The following CENPE variants were observed in gnomAD, a reference collection of about 807,000 sequenced individuals.
CENPE encodes the protein centromere protein E.
A neutral mutation model predicts 336.1 loss-of-function variants in CENPE; 145 were observed. The ratio of observed to expected loss-of-function variants is 0.43; its 90% confidence interval spans 0.38 to 0.50. The LOEUF is 0.50. Ranked by LOEUF, CENPE falls within the 20% of genes least tolerant of loss-of-function variation. CENPE has a pLI of 0.00. For synonymous variants in CENPE, 1,013 were observed against 984.8 expected, an observed-to-expected ratio of 1.03 and a Z score of -0.54; for missense variants, 2,719 against 3,023.3, an observed-to-expected ratio of 0.90 and a Z score of 2.36.
chr4:103,141,229 C>T lies in CENPE; in HGVS notation c.5464-125G>A, dbSNP rs1426696963. On this transcript the variant is annotated intron_variant, in intron 35 of 48. Transcript: ENST00000265148. ...CACTGATATCCTGCACAATTCCACA[C>T]AGAATTTTACTTTCTTTTGAGGTAT... 1.2e-5 allele frequency: 7 copies of T among 602,356 alleles called. No homozygotes were observed. The South Asian group carries it at 1.7e-4, about 14-fold the overall frequency. The allele number at this position is 602,356 out of a possible 1,614,324, so 37.3% of individuals were successfully genotyped here.
chr4:103,111,094 A>C, intron 46 of CENPE, 83 bp from the exon 47 acceptor site: 2 of 1,062,182 alleles, frequency 1.9e-6, no homozygotes, highest in Non-Finnish European at 2.7e-6. Context: ...CAAGTACAAT[A>C]AGCCATTATA....
In CENPE at chr4:103,136,361, TAA is replaced by T; in HGVS notation, c.6304-4_6304-3del. 1 of 1,592,382 alleles carries T rather than the reference TAA, an allele frequency of 6.3e-7. No homozygotes were observed. On this transcript the variant is annotated splice_polypyrimidine_tract_variant and splice_region_variant and intron_variant, in intron 39 of 48. Coordinates refer to ENST00000265148, the MANE Select transcript of CENPE (RefSeq NM_001813.3). ...CTCTGAGTATCTCTTCAAAAGCTCCTAAAGGAAATGAGAATTCACTCAATTTA... is the reference window on the plus strand; with the variant it reads ...CTCTGAGTATCTCTTCAAAAGCTCCTAGGAAATGAGAATTCACTCAATTTA...
At chr4:103,146,145 A>G in intron 29 of CENPE, 38 bp from the exon 30 acceptor site, 1 of 1,571,362 alleles carries the variant, frequency 6.4e-7, no homozygotes, top group Non-Finnish European at 8.6e-7. Context: ...TGATATCCAG[A>G]GATATTGTGT....
At position 103,181,341 on chromosome 4, in the gene CENPE, T is replaced by C; in HGVS notation, c.1079A>G (p.Glu360Gly). The change falls in exon 12 of 49, where the codon GAG (glutamate) becomes GGG (glycine). Residue 360 changes from glutamate (E) to glycine (G), a missense_variant. Glu to Gly is a moderately conservative substitution (Grantham distance 98). Coordinates refer to ENST00000265148, the MANE Select transcript of CENPE (RefSeq NM_001813.3). ...AAATAAATGATTCATACATACCTCC[T>C]CTAATTGTTTTTTAAGATCCATTAT... ...KEIMDLKKQL[E>G]EVSLETRAQA... 2 of 1,529,438 alleles carry C rather than the reference T, an allele frequency of 1.3e-6. No homozygotes were observed. The highest frequency in any genetic ancestry group is 1.8e-6 in the Non-Finnish European group (2 of 1,128,026). The allele number at this position is 1,529,438 out of a possible 1,614,324, so 94.7% of individuals were successfully genotyped here. A position where few individuals can be genotyped will look rare whatever the true frequency, so the allele number is the denominator to read the frequency against.
chr4:103,138,035 G>A lies in CENPE; in HGVS notation c.6303+316C>T, dbSNP rs1293798833. ...AACCACCACAGAGTCTTCTGCCTCA[G>A]GAACTTTGTACTCGCTGTTCCCTTT... On this transcript the variant is annotated intron_variant, in intron 39 of 48. Transcript: ENST00000265148. 3.9e-5 allele frequency among the ~76,000 whole-genome samples: 6 copies of A among 152,092 alleles called. No homozygotes were observed. In the East Asian group the frequency reaches 1.2e-3, roughly 29 times the overall value.
intron 42 of CENPE, among the ~76,000 whole-genome samples, chr4:103,126,588 A>C (rs1169902983): frequency 6.6e-6 from 1 of 152,260 alleles, no homozygotes; most frequent in Non-Finnish European, 1.5e-5. Context: ...CTGAATAAGC[A>C]TCAGAACCAC....
intron 40 of CENPE, among the ~76,000 whole-genome samples, chr4:103,135,393 T>C (rs1185034194): frequency 6.6e-6 from 1 of 152,192 alleles, no homozygotes; most frequent in African/African-American, 2.4e-5. Context: ...CTCTTTCTTT[T>C]TTATTTTTGA....
intron 24 of CENPE, among the ~76,000 whole-genome samples, chr4:103,155,753 C>T (rs1483836817): frequency 6.6e-6 from 1 of 152,050 alleles, no homozygotes; most frequent in Non-Finnish European, 1.5e-5. Context: ...TTCCATTTTC[C>T]AAGGCAGTAT....
chr4:103,198,161 G>A (rs993675222), intron 1 of CENPE, 103 bp downstream of exon 1: 1 of 1,133,030 alleles, frequency 8.8e-7, no homozygotes, highest in African/African-American at 1.5e-5. Flanking sequence ...AGACAGCAGA[G>A]CCGGGAAGCA....
At chr4:103,125,410 C>G (rs926742045) in intron 42 of CENPE, among the ~76,000 whole-genome samples, 1 of 152,122 alleles carries the variant, frequency 6.6e-6, no homozygotes, top group Non-Finnish European at 1.5e-5. Flanking sequence ...TTTGTACCCA[C>G]CAAATACCAA....
chr4:103,111,625 T>C (rs1026290876), intron 46 of CENPE, among the ~76,000 whole-genome samples: 31 of 152,184 alleles, frequency 2.0e-4, no homozygotes, highest in African/African-American at 6.8e-4. Context: ...AGTGTGTGTG[T>C]TGGGGGTGAT....
chr4:103,177,115 G>T, intron 13 of CENPE, 69 bp from the exon 14 acceptor site: 1 of 1,305,082 alleles, frequency 7.7e-7, no homozygotes, highest in Non-Finnish European at 1.0e-6. Flanking sequence ...AAGGGAACTA[G>T]TTTCTATTTT....
chr4:103,133,691 A>T lies in CENPE; in HGVS notation c.6720+4T>A, dbSNP rs1171013204. 6.5e-7 allele frequency: 1 copy of T among 1,542,576 alleles called. No individual in the cohort carries two copies. The highest frequency in any genetic ancestry group is 1.2e-5 in the South Asian group (1 of 85,652). On this transcript the variant is annotated splice_donor_region_variant and intron_variant, in intron 41 of 48. Transcript: ENST00000265148. ...TAACTAAATCCATTTAAAATAAATT[A>T]TACCTCAATATGTAGATCCATATTC...
At position 103,140,924 on chromosome 4, in the gene CENPE, C is replaced by T; in HGVS notation, c.5644G>A (p.Glu1882Lys). ...TCTTTCATTACAGATTTCATTTCTT[C>T]AAGGTTTTCATGAAGTTTCTGAGCC... ...NLAQKLHENLEEMKSVMKERD... is the reference protein window; with the variant it reads ...NLAQKLHENLKEMKSVMKERD... Residue 1882 changes from glutamate (E) to lysine (K), a missense_variant, in exon 36 of 49, where the codon GAA (glutamate) becomes AAA (lysine). This residue lies in a region of CENPE where 2,437 missense variants were observed against 2,513.3 expected (regional missense o/e 0.97). Coordinates refer to ENST00000265148, the MANE Select transcript of CENPE (RefSeq NM_001813.3). 6.2e-7 allele frequency: 1 copy of T among 1,612,692 alleles called. No individual in the cohort carries two copies.
chr4:103,151,893 C>T (rs1753600692), intron 25 of CENPE, among the ~76,000 whole-genome samples: 1 of 152,158 alleles, frequency 6.6e-6, no homozygotes, highest in Non-Finnish European at 1.5e-5. Context: ...GAAGAAAATA[C>T]CATTGTTTGT....
Position 103,134,462 on chromosome 4 carries a change from GTC to G in CENPE, c.6523-572_6523-571del, listed in dbSNP as rs945942171. ...ATCCTGGCTAACACAGTGAAACCCTGTCTCTACTAAAAATACAAAAAATTAGC... is the reference window on the plus strand; with the variant it reads ...ATCCTGGCTAACACAGTGAAACCCTGTCTACTAAAAATACAAAAAATTAGC... On this transcript the variant is annotated intron_variant, in intron 40 of 48. Transcript: ENST00000265148. 6.1e-4 allele frequency among the ~76,000 whole-genome samples: 93 copies of G among 151,902 alleles called. 1 individual carries two copies. The highest frequency in any genetic ancestry group is 2.2e-3 in the African/African-American group (90 of 41,410).
At chr4:103,195,254 TA>T in intron 4 of CENPE, 21 bp from the exon 5 acceptor site, 2 of 1,561,978 alleles carry the variant, frequency 1.3e-6, no homozygotes, top group Non-Finnish European at 1.7e-6. Flanking sequence ...AAAAATTATA[TA>T]AAAACACCAG....
At chr4:103,157,124 T>A (rs775044164) in intron 24 of CENPE, among the ~76,000 whole-genome samples, 1 of 150,192 alleles carries the variant, frequency 6.7e-6, no homozygotes. Flanking sequence ...ACCAGAACAC[T>A]TCTGTCCTGT....
chr4:103,165,164 G>A (rs1754797853), intron 16 of CENPE, among the ~76,000 whole-genome samples: 1 of 152,020 alleles, frequency 6.6e-6, no homozygotes, highest in Admixed American at 6.5e-5. Flanking sequence ...GTGTGAAAAG[G>A]AAAAATGATT....
Sources: allele counts gnomAD v4.1 joint callset (sites outside exome capture counted in the v4.1 genomes callset), GRCh38; gene constraint gnomAD v4.1.1; regional missense constraint gnomAD v4.1.1; transcripts MANE v1.5; gene names NCBI Gene and HGNC (gene_info 2026-07-23, HGNC 2026-07-21).